The following VAV3 variants were observed in gnomAD, a reference collection of about 807,000 sequenced individuals.
VAV3 encodes the protein vav guanine nucleotide exchange factor 3.
VAV3 carries 94 observed loss-of-function variants against 131.2 expected under a neutral mutation model. The observed-to-expected ratio is 0.72, with a 90% CI of 0.61 to 0.85. VAV3 has a LOEUF of 0.85. Among genes scored for constraint, VAV3 ranks in the 40% least tolerant of loss-of-function variants. VAV3 has a pLI of 0.00. For missense variants in VAV3, 939 were observed against 1,002.7 expected, an observed-to-expected ratio of 0.94 and a Z score of 0.86; for synonymous variants, 349 against 342.0, an observed-to-expected ratio of 1.02 and a Z score of -0.22.
At chr1:107,887,734 C>T (rs185469523) in intron 1 of VAV3, among the ~76,000 whole-genome samples, 159 of 152,178 alleles carry the variant, frequency 1.0e-3, no homozygotes, top group South Asian at 1.9e-3. Flanking sequence ...CTACGATACC[C>T]CAACCCATAC....
intron 9 of VAV3, 68 bp from the exon 10 acceptor site, chr1:107,760,947 C>T: frequency 9.3e-7 from 1 of 1,073,380 alleles, no homozygotes; most frequent in Non-Finnish European, 1.4e-6. Flanking sequence ...AGGCCCTAGG[C>T]AGAACAGTTA....
At chr1:107,695,776 C>T (rs1659707657) in intron 17 of VAV3, among the ~76,000 whole-genome samples, 1 of 152,072 alleles carries the variant, frequency 6.6e-6, no homozygotes, top group South Asian at 2.1e-4. Context: ...TGAAGGATAG[C>T]ATCAAGGAGG....
intron 2 of VAV3, among the ~76,000 whole-genome samples, chr1:107,783,939 A>T (rs1220208849): frequency 2.0e-5 from 3 of 151,108 alleles, no homozygotes; most frequent in African/African-American, 7.3e-5. Flanking sequence ...GGGCACCTGT[A>T]GTCCCAGCTA....
intron 25 of VAV3, among the ~76,000 whole-genome samples, chr1:107,591,386 T>C (rs1179966580): frequency 6.6e-6 from 1 of 152,170 alleles, no homozygotes; most frequent in Non-Finnish European, 1.5e-5. Context: ...ACATACTAAG[T>C]ACTGAAAATA....
intron 2 of VAV3, among the ~76,000 whole-genome samples, chr1:107,796,961 T>A (rs1286359413): frequency 5.9e-5 from 9 of 151,948 alleles, no homozygotes. Flanking sequence ...TTGGTTCTAA[T>A]GAGTAAAATA....
intron 17 of VAV3, among the ~76,000 whole-genome samples, chr1:107,699,975 T>A (rs1023944047): frequency 4.6e-5 from 7 of 152,124 alleles, no homozygotes; most frequent in African/African-American, 1.7e-4. Context: ...ACACCAAAGG[T>A]TATGAGGCTG....
intron 1 of VAV3, among the ~76,000 whole-genome samples, chr1:107,903,530 T>C (rs1671965890): frequency 6.6e-6 from 1 of 152,062 alleles, no homozygotes; most frequent in Non-Finnish European, 1.5e-5. Context: ...TGATAAAATC[T>C]CTCTAACTTC....
At chr1:107,924,660 C>A (rs376187292) in intron 1 of VAV3, among the ~76,000 whole-genome samples, 29 of 152,256 alleles carry the variant, frequency 1.9e-4, no homozygotes, top group African/African-American at 6.7e-4. Context: ...ACTGATTTAA[C>A]TGACAGTAGC....
chr1:107,771,404 C>T lies in VAV3; in HGVS notation c.556-676G>A, dbSNP rs186446340. Among the ~76,000 whole-genome samples, 100 of 152,174 alleles carry T rather than the reference C, an allele frequency of 6.6e-4. 1 individual carries two copies. The highest frequency in any genetic ancestry group is 6.0e-3 in the South Asian group (29 of 4,816). On this transcript the variant is annotated intron_variant, in intron 5 of 26. Transcript: ENST00000370056. ...AGTAGCTGTGACTACAGGTGCCCGC[C>T]GCCACGCCCAGCTAATTTTTTGTGT...
At chr1:107,880,594 G>C (rs767256423) in intron 1 of VAV3, among the ~76,000 whole-genome samples, 1 of 152,100 alleles carries the variant, frequency 6.6e-6, no homozygotes, top group African/African-American at 2.4e-5. Flanking sequence ...TCAGGAGCTC[G>C]AGACCAGCCT....
intron 2 of VAV3, among the ~76,000 whole-genome samples, chr1:107,858,036 C>T (rs758316543): frequency 5.3e-5 from 8 of 152,132 alleles, no homozygotes; most frequent in Non-Finnish European, 1.2e-4. Context: ...AAACTACAAC[C>T]ACTCTGGCAA....
At chr1:107,765,266 C>T in intron 8 of VAV3, 91 bp from the exon 9 acceptor site, 2 of 1,006,872 alleles carry the variant, frequency 2.0e-6, no homozygotes, top group South Asian at 2.7e-5. Context: ...TCTTTAAAAC[C>T]ATTGTTAGGG....
chr1:107,692,262 A>G (rs1659476124), intron 17 of VAV3, among the ~76,000 whole-genome samples: 9 of 152,234 alleles, frequency 5.9e-5, no homozygotes, highest in Admixed American at 5.9e-4. Context: ...AAAAGAAAAT[A>G]AAGCAAACCA....
At chr1:107,599,067 TTGG>T (rs1480699266) in intron 24 of VAV3, among the ~76,000 whole-genome samples, 1 of 152,108 alleles carries the variant, frequency 6.6e-6, no homozygotes, top group African/African-American at 2.4e-5. Context: ...GAAAAATGAT[TTGG>T]TGATTATTTA....
intron 20 of VAV3, among the ~76,000 whole-genome samples, chr1:107,625,536 G>A (rs532163976): frequency 1.3e-5 from 2 of 152,160 alleles, no homozygotes; most frequent in South Asian, 4.1e-4. Context: ...CAAAGTGTTG[G>A]GATTACAGGC....
chr1:107,728,811 CG>C (rs953446441), intron 15 of VAV3, among the ~76,000 whole-genome samples: 3 of 152,082 alleles, frequency 2.0e-5, no homozygotes, highest in South Asian at 4.2e-4. Flanking sequence ...TAATGCAAGC[CG>C]AGGGCGCAAC....
chr1:107,910,255 G>A (rs1672304388), intron 1 of VAV3, among the ~76,000 whole-genome samples: 1 of 152,116 alleles, frequency 6.6e-6, no homozygotes, highest in South Asian at 2.1e-4. Context: ...ACACGGATAA[G>A]AACATAAAAG....
intron 1 of VAV3, among the ~76,000 whole-genome samples, chr1:107,878,749 A>G (rs1670627829): frequency 6.6e-6 from 1 of 152,158 alleles, no homozygotes; most frequent in Non-Finnish European, 1.5e-5. Flanking sequence ...ACATCTCTCT[A>G]CTGTAAAGGT....
intron 15 of VAV3, among the ~76,000 whole-genome samples, chr1:107,730,113 A>T (rs953663879): frequency 3.3e-5 from 5 of 152,220 alleles, no homozygotes; most frequent in African/African-American, 4.8e-5. Flanking sequence ...TACTATTTTA[A>T]TAAGTGACGG....
Sources: gnomAD v4.1 joint callset for allele counts (sites outside exome capture counted in the v4.1 genomes callset) on GRCh38, gnomAD v4.1.1 for gene constraint, MANE v1.5 for transcripts, NCBI Gene and HGNC (gene_info 2026-07-23, HGNC 2026-07-21) for gene names.